The following CHST9 variants were observed in gnomAD, a reference collection of about 807,000 sequenced individuals.
CHST9 encodes the protein carbohydrate sulfotransferase 9.
Under a neutral mutation model 44.4 loss-of-function variants are expected in CHST9, and 41 were observed. The observed-to-expected ratio is 0.92, with a 90% CI of 0.72 to 1.20. CHST9 has a LOEUF of 1.20. Among genes scored for constraint, CHST9 ranks in the 50% most tolerant of loss-of-function variants. CHST9 has a pLI of 0.00. For synonymous variants in CHST9, 171 were observed against 178.4 expected (o/e 0.96, Z 0.33); for missense variants, 504 against 516.5 (o/e 0.98, Z 0.23).
chr18:27,061,686 T>C (rs1003157163), intron 2 of CHST9, among the ~76,000 whole-genome samples: 27 of 152,180 alleles, frequency 1.8e-4, no homozygotes, highest in African/African-American at 6.5e-4. Flanking sequence ...GGGGCTTTGA[T>C]GTGTGTATCA....
rs2055422940 is a variant in CHST9, at chr18:26,910,277, G to C, written c.*5982C>G. On this transcript the variant is annotated 3_prime_UTR_variant, in exon 6 of 6. Transcript: ENST00000618847. ...AGATCCCACTGGATATAGGACCAAA[G>C]GGCAAGCAGCACTGTGAGCAAGGAT... 6.6e-6 allele frequency: 1 copy of C among 151,884 alleles called. No individual in the cohort carries two copies. The highest frequency in any genetic ancestry group is 1.5e-5 in the Non-Finnish European group (1 of 68,048). The allele number at this position is 151,884 out of a possible 1,614,324, so 9.4% of individuals were successfully genotyped here.
chr18:27,119,658 T>G lies in CHST9; in HGVS notation c.121+23031A>C, dbSNP rs1040690180. ...TATCAGTTTTTTTGTTTTGGGTTTTTTTTTTTTTTTCTACTTGCTCTCTAA... is the reference window on the plus strand; with the variant it reads ...TATCAGTTTTTTTGTTTTGGGTTTTGTTTTTTTTTTCTACTTGCTCTCTAA... On this transcript the variant is annotated intron_variant, in intron 2 of 5. Coordinates refer to ENST00000618847, the MANE Select transcript of CHST9 (RefSeq NM_031422.6). Among the ~76,000 whole-genome samples, 12 of 151,506 alleles carry G rather than the reference T, an allele frequency of 7.9e-5. 1 individual carries two copies. The highest frequency in any genetic ancestry group is 2.9e-4 in the African/African-American group (12 of 41,342).
At chr18:26,958,337 T>TGAGGAGTAA (rs1257396849) in intron 4 of CHST9, among the ~76,000 whole-genome samples, 15 of 151,920 alleles carry the variant, frequency 9.9e-5, no homozygotes, top group African/African-American at 3.6e-4. Context: ...CTTAAAAGAA[T>TGAGGAGTAA]GAGGAGTAAT....
chr18:26,948,231 A>G (rs981282581), intron 4 of CHST9, among the ~76,000 whole-genome samples: 2 of 152,122 alleles, frequency 1.3e-5, no homozygotes, highest in African/African-American at 4.8e-5. Flanking sequence ...GGAACATCAC[A>G]CACTGAGGCC....
At chr18:26,930,513 ATAT>A (rs1042603910) in intron 5 of CHST9, among the ~76,000 whole-genome samples, 27 of 152,314 alleles carry the variant, frequency 1.8e-4, no homozygotes, top group Admixed American at 7.8e-4. Flanking sequence ...ATTTTTTAGA[ATAT>A]TATTTCATTA....
intron 2 of CHST9, among the ~76,000 whole-genome samples, chr18:27,089,937 A>C (rs1281069762): frequency 1.3e-5 from 2 of 148,578 alleles, no homozygotes; most frequent in Non-Finnish European, 3.0e-5. Flanking sequence ...CAGCCTCCCC[A>C]GTAGCTGGGA....
intron 4 of CHST9, among the ~76,000 whole-genome samples, chr18:26,965,493 C>T (rs1282888950): frequency 6.6e-6 from 1 of 152,158 alleles, no homozygotes; most frequent in Non-Finnish European, 1.5e-5. Flanking sequence ...TTTGACCTGG[C>T]CTGTAGCATG....
At chr18:26,996,377 T>C (rs1598624481) in intron 4 of CHST9, among the ~76,000 whole-genome samples, 1 of 151,726 alleles carries the variant, frequency 6.6e-6, no homozygotes, top group African/African-American at 2.4e-5. Flanking sequence ...TGGTAGGAGG[T>C]GTTTGGGTCA....
intron 4 of CHST9, among the ~76,000 whole-genome samples, chr18:26,996,287 G>T (rs1053377072): frequency 2.0e-5 from 3 of 152,166 alleles, no homozygotes; most frequent in Admixed American, 1.3e-4. Flanking sequence ...GAAGGCTTTA[G>T]ACACACTGAT....
intron 2 of CHST9, among the ~76,000 whole-genome samples, chr18:27,113,180 C>A (rs1442132182): frequency 8.0e-6 from 1 of 125,290 alleles, no homozygotes; most frequent in Non-Finnish European, 1.7e-5. Context: ...CAGAGCTAGA[C>A]TCCATCTCAG....
In CHST9 at chr18:27,162,728, G is replaced by T. The variant is rs2058757699; in HGVS notation, c.-96-19823C>A. On this transcript the variant is annotated intron_variant, in intron 1 of 5. Transcript: ENST00000618847. ...AGCCATTTGTCTAATTTTTTTTCGA[G>T]GTTTTTAACTTCTTTGCCATGGCTT... Among the ~76,000 whole-genome samples the T allele has an allele frequency of 3.3e-5, 5 of 152,164 alleles. No homozygotes were observed. The South Asian group carries it at 1.0e-3, about 32-fold the overall frequency.
At chr18:27,053,545 A>G (rs549662118) in intron 2 of CHST9, among the ~76,000 whole-genome samples, 1 of 152,222 alleles carries the variant, frequency 6.6e-6, no homozygotes, top group South Asian at 2.1e-4. Flanking sequence ...CTAGTTCATG[A>G]ACTTTATATC....
At chr18:26,995,516 T>A (rs1409243720) in intron 4 of CHST9, among the ~76,000 whole-genome samples, 2 of 151,970 alleles carry the variant, frequency 1.3e-5, no homozygotes, top group African/African-American at 4.8e-5. Flanking sequence ...GCTGGCTGGA[T>A]TCCCGACCCA....
Position 27,113,092 on chromosome 18 carries a change from G to A in CHST9, c.121+29597C>T, listed in dbSNP as rs563362250. Among the ~76,000 whole-genome samples the A allele has an allele frequency of 3.0e-3, 454 of 151,940 alleles. 2 individuals are homozygous for A. The highest frequency in any genetic ancestry group is 0.01 in the African/African-American group (433 of 41,438). ...TAGTCCCAGCTACTCGGGAGGCTGAGGCAGGAGAATGGCATGAACCCGGGA... is the reference window on the plus strand; with the variant it reads ...TAGTCCCAGCTACTCGGGAGGCTGAAGCAGGAGAATGGCATGAACCCGGGA... On this transcript the variant is annotated intron_variant, in intron 2 of 5. Transcript: ENST00000618847.
intron 3 of CHST9, among the ~76,000 whole-genome samples, chr18:27,024,887 C>T (rs1331812313): frequency 6.6e-6 from 1 of 151,892 alleles, no homozygotes; most frequent in African/African-American, 2.4e-5. Context: ...TGAAGTTGGC[C>T]TACTGTAACA....
chr18:26,956,344 T>TACACAC (rs201855880), intron 4 of CHST9, among the ~76,000 whole-genome samples: 25 of 142,140 alleles, frequency 1.8e-4, no homozygotes, highest in African/African-American at 5.4e-4. Flanking sequence ...TATATATATA[T>TACACAC]ACACACACAA....
chr18:27,053,218 G>GGAAAAGAAGAAGAAGAA (rs2057599278), intron 2 of CHST9, among the ~76,000 whole-genome samples: 1 of 32,324 alleles, frequency 3.1e-5, no homozygotes, highest in African/African-American at 9.9e-5. Flanking sequence ...AGGAGGAAGA[G>GGAAAAGAAGAAGAAGAA]GAAGAAGAAG....
chr18:27,148,719 C>T (rs1349968995), intron 1 of CHST9, among the ~76,000 whole-genome samples: 42 of 138,528 alleles, frequency 3.0e-4, no homozygotes, highest in East Asian at 4.8e-4. Flanking sequence ...AATAAACATA[C>T]ATGTGCATGT....
At chr18:26,996,699 T>G (rs1027040459) in intron 4 of CHST9, among the ~76,000 whole-genome samples, 1 of 152,202 alleles carries the variant, frequency 6.6e-6, no homozygotes, top group South Asian at 2.1e-4. Flanking sequence ...GTTAAAGTAC[T>G]GCCTTGGATT....
Sources: allele counts gnomAD v4.1 joint callset (sites outside exome capture counted in the v4.1 genomes callset), GRCh38; gene constraint gnomAD v4.1.1; transcripts MANE v1.5; gene names NCBI Gene and HGNC (gene_info 2026-07-23, HGNC 2026-07-21).